Variants in CYS1 observed in about 807,000 individuals in gnomAD.
CYS1 encodes cystin-1.
CYS1 carries 5 observed loss-of-function variants against 9.6 expected under a neutral mutation model. That is an observed-to-expected ratio of 0.52 (90% CI 0.27 to 1.10). The LOEUF is 1.10. Among genes scored for constraint, CYS1 ranks in the 50% least tolerant of loss-of-function variants. The pLI is 0.11. For synonymous variants in CYS1, 88 were observed against 95.7 expected (o/e 0.92, Z 0.47); for missense variants, 221 against 207.9 (o/e 1.06, Z -0.39).
chr2:10,062,665 A>AGTGCT (rs1253947457), intron 2 of CYS1, among the ~76,000 whole-genome samples: 1 of 152,118 alleles, frequency 6.6e-6, no homozygotes, highest in East Asian at 1.9e-4. Context: ...AGCCTCCCAA[A>AGTGCT]GTGCTGGGAT....
chr2:10,063,642 C>G lies in CYS1; in HGVS notation c.371+2262G>C, dbSNP rs374881098. Among the ~76,000 whole-genome samples the G allele has an allele frequency of 6.6e-6, 1 of 152,224 alleles. No individual in the cohort carries two copies. The highest frequency in any genetic ancestry group is 2.1e-4 in the South Asian group (1 of 4,820). ...ACACTGGAGGGAGGAGATTGAAGGG[C>G]GGGACACTGTTGCAGCCACAGGGTG... On this transcript the variant is annotated intron_variant, in intron 2 of 2. Transcript: ENST00000381813. This position sits in a 1 kb window ranked among gnomAD's most constrained non-coding sequence, Gnocchi z 4.2.
intron 2 of CYS1, among the ~76,000 whole-genome samples, chr2:10,061,316 C>T (rs945470489): frequency 2.0e-5 from 3 of 152,238 alleles, no homozygotes; most frequent in African/African-American, 7.2e-5. Context: ...AGGAGAGACC[C>T]GGCCACTGCC....
Position 10,058,954 on chromosome 2 carries a change from G to A in CYS1, c.376C>T (p.Pro126Ser). 1 of 1,580,690 alleles carries A rather than the reference G, an allele frequency of 6.3e-7. No homozygotes were observed. The highest frequency in any genetic ancestry group is 8.6e-7 in the Non-Finnish European group (1 of 1,163,938). The change falls in exon 3 of 3, where the codon CCA (proline) becomes TCA (serine). Residue 126 changes from proline to serine, a missense_variant. Transcript: ENST00000381813. Reference protein sequence around the residue: ...HPGSGNVSEAPGSGRKKPERP... With the variant: ...HPGSGNVSEASGSGRKKPERP... ...TCGGGCTTCTTGCGACCGCTGCCTG[G>A]GGCTCTGTGGGTCAGAAATGGGACA...
chr2:10,063,773 T>TCC lies in CYS1; in HGVS notation c.371+2130_371+2131insGG, dbSNP rs1251110138. Among the ~76,000 whole-genome samples, 12 of 152,052 alleles carry TCC rather than the reference T, an allele frequency of 7.9e-5. No individual in the cohort carries two copies. Among genetic ancestry groups the TCC allele is most frequent in the African/African-American group, 2.9e-4 (12 of 41,412 alleles). Reference sequence around the variant, plus strand: ...GTGCCGTGGGCAGCGAGAAGCACAGTGGGTACAGGGCAGATGCTGCCAGCC... The same window carrying TCC: ...GTGCCGTGGGCAGCGAGAAGCACAGTCCGGGTACAGGGCAGATGCTGCCAGCC... On this transcript the variant is annotated intron_variant, in intron 2 of 2. Transcript: ENST00000381813. The surrounding 1 kb of genome is among the most constrained non-coding windows in gnomAD (Gnocchi z 4.2).
At chr2:10,070,952 G>A (rs139041091) in intron 1 of CYS1, among the ~76,000 whole-genome samples, 178 of 151,474 alleles carry the variant, frequency 1.2e-3, no homozygotes, top group Non-Finnish European at 2.0e-3. Context: ...CCCAGCCTGA[G>A]AACCCTTTTT....
At chr2:10,059,001 G>A (rs537134600) in intron 2 of CYS1, 43 bp from the exon 3 acceptor site, 167 of 1,518,488 alleles carry the variant, frequency 1.1e-4, no homozygotes, top group Admixed American at 1.1e-3. Flanking sequence ...AGGCAGGATG[G>A]TGCGTTCACA....
rs1368495558 is a variant in CYS1 at position 10,057,630 on chromosome 2, T to G, written c.*1223A>C. The G allele has an allele frequency of 1.3e-5, 2 of 152,436 alleles. No individual in the cohort carries two copies. Among genetic ancestry groups the G allele is most frequent in the African/African-American group, 4.8e-5 (2 of 41,406 alleles). The allele number at this position is 152,436 out of a possible 1,614,324, so 9.4% of individuals were successfully genotyped here. Reference sequence around the variant, plus strand: ...GCGCTGTTTCCTCCTTCCCCCTCTATCTCCTTCTTTCCCTTCTGTCTCCTC... The same window carrying G: ...GCGCTGTTTCCTCCTTCCCCCTCTAGCTCCTTCTTTCCCTTCTGTCTCCTC... On this transcript the variant is annotated 3_prime_UTR_variant, in exon 3 of 3. Transcript: ENST00000381813.
intron 2 of CYS1, among the ~76,000 whole-genome samples, chr2:10,059,612 T>G (rs1168489325): frequency 6.6e-6 from 1 of 152,194 alleles, no homozygotes; most frequent in Non-Finnish European, 1.5e-5. Flanking sequence ...CAGAATGGCT[T>G]GAACCCAGGA....
chr2:10,057,779 C>T lies in CYS1; in HGVS notation c.*1074G>A, dbSNP rs1661571290. The T allele has an allele frequency of 6.6e-6, 1 of 152,654 alleles. No homozygotes were observed. Among genetic ancestry groups the T allele is most frequent in the African/African-American group, 2.4e-5 (1 of 41,470 alleles). 9.5% of individuals were successfully genotyped at this position (152,654 alleles called of 1,614,324 possible). Reference sequence around the variant, plus strand: ...GGAGCTGTCCCCCAGCAGGCCACACCTGGGCCCAGGCTCCAGACCTGCCCG... The same window carrying T: ...GGAGCTGTCCCCCAGCAGGCCACACTTGGGCCCAGGCTCCAGACCTGCCCG... On this transcript the variant is annotated 3_prime_UTR_variant, in exon 3 of 3. Coordinates refer to ENST00000381813, the MANE Select transcript of CYS1 (RefSeq NM_001037160.3).
At chr2:10,073,811 A>T (rs953599508) in intron 1 of CYS1, among the ~76,000 whole-genome samples, 2 of 151,738 alleles carry the variant, frequency 1.3e-5, no homozygotes, top group Admixed American at 6.6e-5. Flanking sequence ...GCATTTCTAC[A>T]CCCTGCCGTG....
intron 1 of CYS1, among the ~76,000 whole-genome samples, chr2:10,072,749 AC>A (rs1222854024): frequency 1.3e-5 from 2 of 152,168 alleles, no homozygotes; most frequent in African/African-American, 4.8e-5. Flanking sequence ...TCTGTTGCTC[AC>A]CACCAGAGGG....
Position 10,065,485 on chromosome 2 carries a change from C to T in CYS1, c.371+419G>A, listed in dbSNP as rs892593401. 3.2e-4 allele frequency among the ~76,000 whole-genome samples: 48 copies of T among 152,222 alleles called. 2 individuals carry two copies. The highest frequency in any genetic ancestry group is 2.1e-4 in the South Asian group (1 of 4,834). ...GCCTGCTACCTTCAAGGGTGTTCAG[C>T]GTGGTTCCCTGGTAACGTGCTGTGG... On this transcript the variant is annotated intron_variant, in intron 2 of 2. Coordinates refer to ENST00000381813, the MANE Select transcript of CYS1 (RefSeq NM_001037160.3).
Position 10,060,583 on chromosome 2 carries a change from G to A in CYS1, c.372-1625C>T, listed in dbSNP as rs144840951. Among the ~76,000 whole-genome samples, 7 of 152,352 alleles carry A rather than the reference G, an allele frequency of 4.6e-5. No individual in the cohort carries two copies. In the East Asian group the frequency reaches 9.6e-4, roughly 21 times the overall value. On this transcript the variant is annotated intron_variant, in intron 2 of 2. Transcript: ENST00000381813. ...GACTATACTTATTAGCACTGCCCGCGGCCAGTGCGCAGAAACAGCTGCGTG... is the reference window on the plus strand; with the variant it reads ...GACTATACTTATTAGCACTGCCCGCAGCCAGTGCGCAGAAACAGCTGCGTG...
At chr2:10,078,737 C>T (rs568416219) in intron 1 of CYS1, among the ~76,000 whole-genome samples, 68 of 152,328 alleles carry the variant, frequency 4.5e-4, no homozygotes, top group African/African-American at 1.6e-3. Flanking sequence ...TTCTTTAAGG[C>T]AAGGGCTATG....
At chr2:10,061,029 C>T (rs1342758586) in intron 2 of CYS1, among the ~76,000 whole-genome samples, 8 of 152,102 alleles carry the variant, frequency 5.3e-5, no homozygotes, top group South Asian at 4.2e-4. Flanking sequence ...CTCAGGAGTT[C>T]GAGACCAGCC....
At chr2:10,074,692 C>T (rs1429289626) in intron 1 of CYS1, among the ~76,000 whole-genome samples, 1 of 152,214 alleles carries the variant, frequency 6.6e-6, no homozygotes, top group Non-Finnish European at 1.5e-5. Flanking sequence ...CCTAGCTCCC[C>T]ACTGCCTACA....
chr2:10,066,065 C>G (rs1661691016), intron 1 of CYS1, 109 bp from the exon 2 acceptor site: 1 of 1,260,254 alleles, frequency 7.9e-7, no homozygotes, highest in Non-Finnish European at 1.1e-6. Flanking sequence ...AACCCAGGAT[C>G]CATAAGCCTC....
At chr2:10,065,133 G>T (rs1572455772) in intron 2 of CYS1, among the ~76,000 whole-genome samples, 1 of 152,304 alleles carries the variant, frequency 6.6e-6, no homozygotes, top group Non-Finnish European at 1.5e-5. Context: ...CTGGGCCTCA[G>T]ACCCGGCCCC....
rs886401925 is a variant in CYS1, at chr2:10,063,695, T to TG, written c.371+2208dup. 6.6e-6 allele frequency among the ~76,000 whole-genome samples: 1 copy of TG among 152,046 alleles called. No individual in the cohort carries two copies. Among genetic ancestry groups the TG allele is most frequent in the African/African-American group, 2.4e-5 (1 of 41,372 alleles). The stretch of plus-strand genomic sequence containing the variant: ...GCACTGGTACCCAAGAGCTGCACGC[T>TG]GGGGGGCTGAGACTGGCCTGCAGGG... On this transcript the variant is annotated intron_variant, in intron 2 of 2. Coordinates refer to ENST00000381813, the MANE Select transcript of CYS1 (RefSeq NM_001037160.3). This position sits in a 1 kb window ranked among gnomAD's most constrained non-coding sequence, Gnocchi z 4.2.
Sources: gnomAD v4.1 joint callset for allele counts (sites outside exome capture counted in the v4.1 genomes callset) on GRCh38, gnomAD v4.1.1 for gene constraint, Gnocchi (gnomAD v3.1) non-coding constraint, MANE v1.5 for transcripts, NCBI Gene and HGNC (gene_info 2026-07-23, HGNC 2026-07-21) for gene names.